The following PNPT1 variants were observed in gnomAD, a reference collection of about 807,000 sequenced individuals.
The protein encoded by PNPT1 is polyribonucleotide nucleotidyltransferase 1.
Under a neutral mutation model 119.5 loss-of-function variants are expected in PNPT1, and 53 were observed. The observed-to-expected ratio is 0.44, with a 90% confidence interval of 0.36 to 0.56. The LOEUF is 0.56. PNPT1 is among the 20% of genes least tolerant of loss of function. The probability of loss-of-function intolerance (pLI) is 0.00; values close to 1 mark genes in which losing one functional copy is unlikely to be tolerated. For missense variants in PNPT1, 948 were observed against 938.5 expected (o/e 1.01, Z -0.13); for synonymous variants, 357 against 322.1 (o/e 1.11, Z -1.16).
chr2:55,661,951 C>A lies in PNPT1; in HGVS notation c.1247+5G>T, dbSNP rs1353579144. 2 of 1,554,980 alleles carry A rather than the reference C, an allele frequency of 1.3e-6. No individual in the cohort carries two copies. Among genetic ancestry groups the A allele is most frequent in the South Asian group, 1.2e-5 (1 of 80,032 alleles). On this transcript the variant is annotated splice_donor_5th_base_variant and intron_variant, in intron 14 of 27. Transcript: ENST00000447944. Reference sequence around the variant, plus strand: ...CGTAACAAACATCTTAAAAACATAACTTACTTTATAGCTGTTATAACTTGA... The same window carrying A: ...CGTAACAAACATCTTAAAAACATAAATTACTTTATAGCTGTTATAACTTGA...
At chr2:55,647,944 CTAAAACAATG>C (rs1696052172) in intron 18 of PNPT1, among the ~76,000 whole-genome samples, 1 of 152,156 alleles carries the variant, frequency 6.6e-6, no homozygotes, top group Non-Finnish European at 1.5e-5. Context: ...ATAAAGTTCC[CTAAAACAATG>C]TAAACAAGTA....
At chr2:55,677,695 T>C (rs1200752233) in intron 8 of PNPT1, among the ~76,000 whole-genome samples, 4 of 151,234 alleles carry the variant, frequency 2.6e-5, no homozygotes, top group Non-Finnish European at 4.4e-5. Flanking sequence ...ATAGTGGCTA[T>C]ATGACCAATT....
rs1170801211 is a variant in PNPT1 at position 55,656,334 on chromosome 2, G to A, written c.1322C>T (p.Thr441Ile). The change falls in exon 16 of 28, where the codon ACT becomes ATT. Residue 441 changes from threonine (T) to isoleucine (I), a missense_variant. Thr to Ile is a moderately conservative substitution (Grantham distance 89, BLOSUM62 -1). Transcript: ENST00000447944. ...PYATNEIGKV[T>I]GLNRRELGHG... ...CCCAAGTTCTCTTCTATTTAAACCA[G>A]TGACTTTGCCAATTTCATTAGTTGC... 3.1e-6 allele frequency: 5 copies of A among 1,608,990 alleles called. No homozygotes were observed. Among genetic ancestry groups the A allele is most frequent in the Non-Finnish European group, 4.2e-6 (5 of 1,178,482 alleles).
chr2:55,672,165 G>T, intron 9 of PNPT1, 119 bp from the exon 10 acceptor site: 1 of 705,972 alleles, frequency 1.4e-6, no homozygotes, highest in East Asian at 3.0e-5. Context: ...AAATACTTCA[G>T]AAAGAATTGA....
At chr2:55,669,645 A>T (rs944985435) in intron 11 of PNPT1, among the ~76,000 whole-genome samples, 5 of 152,262 alleles carry the variant, frequency 3.3e-5, no homozygotes, top group Non-Finnish European at 1.5e-5. Flanking sequence ...TTTTAAAATA[A>T]GACAATATTC....
intron 1 of PNPT1, among the ~76,000 whole-genome samples, chr2:55,693,056 G>A: frequency 6.6e-6 from 1 of 151,842 alleles, no homozygotes; most frequent in East Asian, 1.9e-4. Flanking sequence ...TGCGTGTGTG[G>A]CTCTCTCCCT....
At chr2:55,652,509 T>C (rs1304695465) in intron 18 of PNPT1, among the ~76,000 whole-genome samples, 1 of 152,194 alleles carries the variant, frequency 6.6e-6, no homozygotes, top group Admixed American at 6.5e-5. Context: ...GGCAGGCCAG[T>C]GTTCTCAGTC....
chr2:55,639,236 T>G (rs1695768697), intron 26 of PNPT1, among the ~76,000 whole-genome samples: 1 of 152,238 alleles, frequency 6.6e-6, no homozygotes, highest in South Asian at 2.1e-4. Flanking sequence ...GAGGGTTTAG[T>G]GTATCATTCT....
At chr2:55,640,911 T>TA (rs1340944263) in intron 25 of PNPT1, among the ~76,000 whole-genome samples, 2 of 151,968 alleles carry the variant, frequency 1.3e-5, no homozygotes, top group Admixed American at 1.3e-4. Flanking sequence ...GAAGAAAAGA[T>TA]AAAGAAAAAA....
intron 11 of PNPT1, among the ~76,000 whole-genome samples, chr2:55,668,191 T>C (rs1281946194): frequency 1.3e-5 from 2 of 152,246 alleles, no homozygotes; most frequent in South Asian, 4.1e-4. Context: ...GTTTGTTTTC[T>C]ACCTAAATGA....
intron 8 of PNPT1, among the ~76,000 whole-genome samples, chr2:55,673,331 A>C (rs1436989412): frequency 1.3e-5 from 2 of 152,156 alleles, no homozygotes; most frequent in Non-Finnish European, 2.9e-5. Context: ...CCCATAAAAA[A>C]TGAAACAGAA....
rs191760154 is a variant in PNPT1 at position 55,673,943 on chromosome 2, G to A, written c.680-864C>T. 1.0e-3 allele frequency among the ~76,000 whole-genome samples: 152 copies of A among 150,542 alleles called. 1 individual carries two copies. Among genetic ancestry groups the A allele is most frequent in the African/African-American group, 3.1e-3 (125 of 40,968 alleles). ...TTGCCATGTTGCCCAGGCTGCTCTC[G>A]AACTCCTGACCTCAGGTGATTAACC... On this transcript the variant is annotated intron_variant, in intron 8 of 27. Transcript: ENST00000447944.
chr2:55,649,855 C>T (rs1424128837), intron 18 of PNPT1, among the ~76,000 whole-genome samples: 1 of 152,182 alleles, frequency 6.6e-6, no homozygotes, highest in Admixed American at 6.5e-5. Context: ...CTTAACCCTG[C>T]TGAAACTTAA....
Position 55,646,434 on chromosome 2 carries a change from T to G in PNPT1, c.1655A>C (p.Lys552Thr), listed in dbSNP as rs1270365719. Reference protein sequence around the residue: ...DMDFKIAGTNKGITALQADIK... With the variant: ...DMDFKIAGTNTGITALQADIK... Reference sequence around the variant, plus strand: ...AAATACCTGTAATGCAGTTATTCCTTTATTAGTGCCAGCTATTTTGAAGTC... The same window carrying G: ...AAATACCTGTAATGCAGTTATTCCTGTATTAGTGCCAGCTATTTTGAAGTC... Residue 552 changes from lysine to threonine, a missense_variant, in exon 20 of 28, where the codon AAA becomes ACA. Coordinates refer to ENST00000447944, the MANE Select transcript of PNPT1 (RefSeq NM_033109.5). The G allele has an allele frequency of 1.2e-5, 19 of 1,612,810 alleles. No individual in the cohort carries two copies. The highest frequency in any genetic ancestry group is 1.6e-5 in the Non-Finnish European group (19 of 1,179,508).
intron 12 of PNPT1, among the ~76,000 whole-genome samples, chr2:55,667,585 CAAA>C: frequency 7.4e-6 from 1 of 135,862 alleles, no homozygotes; most frequent in African/African-American, 2.6e-5. Context: ...GACTCTGTCT[CAAA>C]AAAAAAAAAC....
intron 5 of PNPT1, among the ~76,000 whole-genome samples, chr2:55,682,765 TG>T (rs1697287724): frequency 6.6e-6 from 1 of 151,776 alleles, no homozygotes; most frequent in African/African-American, 2.4e-5. Flanking sequence ...AAAACTTAGC[TG>T]GGTATGGTGG....
At chr2:55,652,535 G>A (rs1696243778) in intron 18 of PNPT1, among the ~76,000 whole-genome samples, 1 of 152,178 alleles carries the variant, frequency 6.6e-6, no homozygotes, top group Non-Finnish European at 1.5e-5. Context: ...AACATTGAAA[G>A]AGACAGGGCT....
chr2:55,666,199 G>C (rs556103765), intron 13 of PNPT1, among the ~76,000 whole-genome samples: 4 of 152,242 alleles, frequency 2.6e-5, no homozygotes, highest in African/African-American at 9.6e-5. Context: ...GCAGGAAGAA[G>C]GCATTACAAA....
chr2:55,691,744 T>G (rs970014101), intron 1 of PNPT1, among the ~76,000 whole-genome samples: 8 of 151,562 alleles, frequency 5.3e-5, no homozygotes, highest in Admixed American at 4.6e-4. Flanking sequence ...AAATCAGAAT[T>G]AATGAATGCT....
Sources: allele counts gnomAD v4.1 joint callset (sites outside exome capture counted in the v4.1 genomes callset), GRCh38; gene constraint gnomAD v4.1.1; transcripts MANE v1.5; gene names NCBI Gene and HGNC (gene_info 2026-07-23, HGNC 2026-07-21).